CCDC102B: variants seen among roughly 807,000 people sequenced by gnomAD.
The protein encoded by CCDC102B is coiled-coil domain-containing protein 102B.
A neutral mutation model predicts 57.4 loss-of-function variants in CCDC102B; 75 were observed. The observed-to-expected ratio is 1.31, with a 90% CI of 1.08 to 1.58. The LOEUF (loss-of-function observed/expected upper bound fraction) is 1.58, where lower values mean the gene tolerates loss of function less well. Among genes scored for constraint, CCDC102B ranks in the 40% most tolerant of loss-of-function variants. The pLI is 0.00. For missense variants in CCDC102B, 636 were observed against 582.6 expected (o/e 1.09, Z -0.94); for synonymous variants, 206 against 201.9 (o/e 1.02, Z -0.17).
chr18:68,861,904 C>T (rs748031026), intron 4 of CCDC102B, among the ~76,000 whole-genome samples: 3 of 152,074 alleles, frequency 2.0e-5, no homozygotes, highest in African/African-American at 4.8e-5. Context: ...GAAAATCAGC[C>T]ATATTTTTAG....
At chr18:68,969,857 G>T (rs1350922384) in intron 6 of CCDC102B, among the ~76,000 whole-genome samples, 1 of 151,926 alleles carries the variant, frequency 6.6e-6, no homozygotes, top group Non-Finnish European at 1.5e-5. Flanking sequence ...CATGTAATCA[G>T]AAATATTATA....
intron 1 of CCDC102B, among the ~76,000 whole-genome samples, chr18:68,810,563 A>G (rs1180642672): frequency 6.6e-6 from 1 of 151,842 alleles, no homozygotes; most frequent in Non-Finnish European, 1.5e-5. Context: ...ATGATTCCCG[A>G]ATGCTGGTGA....
intron 6 of CCDC102B, among the ~76,000 whole-genome samples, chr18:68,923,909 T>A (rs956990375): frequency 1.8e-4 from 27 of 152,220 alleles, no homozygotes; most frequent in Admixed American, 1.7e-3. Flanking sequence ...ATGCAAGGGA[T>A]CTGTGGCCAT....
intron 6 of CCDC102B, among the ~76,000 whole-genome samples, chr18:68,956,362 T>TATATAATATATATATTAATATATATA (rs2049857224): frequency 2.0e-5 from 1 of 48,784 alleles, no homozygotes; most frequent in Non-Finnish European, 4.3e-5. Context: ...ATATATATAA[T>TATATAATATATATATTAATATATATA]ATATATATAA....
chr18:68,832,163 C>T (rs915269524), intron 1 of CCDC102B, among the ~76,000 whole-genome samples: 3 of 151,642 alleles, frequency 2.0e-5, no homozygotes, highest in Non-Finnish European at 2.9e-5. Context: ...AAAGCAATAA[C>T]GATAAACAAT....
intron 2 of CCDC102B, among the ~76,000 whole-genome samples, chr18:68,719,863 A>G (rs981554294): frequency 2.6e-4 from 40 of 152,238 alleles, no homozygotes; most frequent in African/African-American, 9.2e-4. Flanking sequence ...CAGAGGAGTC[A>G]TGTGAGAATG....
At chr18:68,801,407 C>A (rs570207514) in intron 1 of CCDC102B, among the ~76,000 whole-genome samples, 2 of 152,120 alleles carry the variant, frequency 1.3e-5, no homozygotes, top group South Asian at 4.2e-4. Flanking sequence ...GGACTGTTAA[C>A]ATTATTATAT....
chr18:68,873,853 GC>G (rs2039329902), intron 4 of CCDC102B, among the ~76,000 whole-genome samples: 1 of 151,238 alleles, frequency 6.6e-6, no homozygotes, highest in Non-Finnish European at 1.5e-5. Context: ...ACAAAACATA[GC>G]TTAAAATATA....
chr18:68,818,857 A>C lies in CCDC102B; in HGVS notation c.-15-17892A>C, dbSNP rs183789820. 2.6e-5 allele frequency among the ~76,000 whole-genome samples: 4 copies of C among 152,276 alleles called. No homozygotes were observed. In the East Asian group the frequency reaches 7.7e-4, roughly 29 times the overall value. On this transcript the variant is annotated intron_variant, in intron 1 of 7. Coordinates refer to ENST00000360242, the MANE Select transcript of CCDC102B (RefSeq NM_024781.3). ...GGTTTCCATTGCAGTTTTAATTTGCACTTCCTTAGTAACATATAATGTAAG... is the reference window on the plus strand; with the variant it reads ...GGTTTCCATTGCAGTTTTAATTTGCCCTTCCTTAGTAACATATAATGTAAG...
rs2144788230 is a variant in CCDC102B, at chr18:68,837,380, A to G, written c.606+11A>G. ...GACACAAATAATAAGGTAAGAAAAA[A>G]ATCCAGAGATGATGTGAATTTCTGA... is the stretch of plus-strand genomic sequence containing the variant. On this transcript the variant is annotated intron_variant, in intron 2 of 7. Coordinates refer to ENST00000360242, the MANE Select transcript of CCDC102B (RefSeq NM_024781.3). 6.3e-7 allele frequency: 1 copy of G among 1,595,846 alleles called. No individual in the cohort carries two copies. Among genetic ancestry groups the G allele is most frequent in the East Asian group, 2.2e-5 (1 of 44,700 alleles).
intron 2 of CCDC102B, among the ~76,000 whole-genome samples, chr18:68,770,598 T>G (rs990745411): frequency 3.9e-5 from 6 of 152,136 alleles, no homozygotes; most frequent in African/African-American, 1.4e-4. Context: ...TGGTGAAAAA[T>G]TAACTAGATC....
At chr18:68,918,319 G>A (rs1019579242) in intron 6 of CCDC102B, among the ~76,000 whole-genome samples, 8 of 152,070 alleles carry the variant, frequency 5.3e-5, no homozygotes, top group East Asian at 1.9e-4. Flanking sequence ...CCTGACTTCC[G>A]CTTTAACATT....
chr18:69,023,916 T>C (rs1008676726), intron 7 of CCDC102B, among the ~76,000 whole-genome samples: 1 of 152,056 alleles, frequency 6.6e-6, no homozygotes, highest in Non-Finnish European at 1.5e-5. Flanking sequence ...CTGATGAACC[T>C]TTTTAACATT....
At chr18:68,957,825 C>A (rs1031709603) in intron 6 of CCDC102B, among the ~76,000 whole-genome samples, 1 of 152,118 alleles carries the variant, frequency 6.6e-6, no homozygotes, top group Non-Finnish European at 1.5e-5. Flanking sequence ...AGATCTTTCA[C>A]TTCTTTGGTT....
chr18:68,874,628 A>G, intron 4 of CCDC102B, 41 bp from the exon 5 acceptor site: 2 of 1,277,624 alleles, frequency 1.6e-6, no homozygotes, highest in Non-Finnish European at 2.3e-6. Context: ...TAACCACCCT[A>G]TATAGCATCC....
intron 1 of CCDC102B, among the ~76,000 whole-genome samples, chr18:68,829,720 T>C (rs1489459873): frequency 6.6e-6 from 1 of 151,882 alleles, no homozygotes; most frequent in Non-Finnish European, 1.5e-5. Flanking sequence ...TCTTGTGACA[T>C]AGCCACACAG....
intron 2 of CCDC102B, among the ~76,000 whole-genome samples, chr18:68,757,726 T>C (rs1472509825): frequency 6.6e-6 from 1 of 152,230 alleles, no homozygotes; most frequent in African/African-American, 2.4e-5. Context: ...TAGTTGCCAC[T>C]TTATTTTTGC....
intron 6 of CCDC102B, among the ~76,000 whole-genome samples, chr18:68,911,762 A>AAAAAAAAAAAAAAAAAAAAAG: frequency 7.1e-6 from 1 of 141,842 alleles, no homozygotes; most frequent in African/African-American, 2.6e-5. Context: ...AAAAAAAAAA[A>AAAAAAAAAAAAAAAAAAAAAG]AAAAAAAAAA....
intron 6 of CCDC102B, chr18:68,992,869 C>A: frequency 6.0e-6 from 1 of 166,622 alleles, no homozygotes. Flanking sequence ...CCCTACGGCA[C>A]AGAAGAAACA....
Sources: gnomAD v4.1 joint callset for allele counts (sites outside exome capture counted in the v4.1 genomes callset) on GRCh38, gnomAD v4.1.1 for gene constraint, MANE v1.5 for transcripts, NCBI Gene and HGNC (gene_info 2026-07-23, HGNC 2026-07-21) for gene names.